The following GPC6 variants were observed in gnomAD, a reference collection of about 807,000 sequenced individuals.
GPC6 encodes glypican 6.
GPC6 carries 14 observed loss-of-function variants against 55.2 expected under a neutral mutation model. The ratio of observed to expected loss-of-function variants is 0.25; its 90% confidence interval spans 0.17 to 0.40. The LOEUF (loss-of-function observed/expected upper bound fraction) is 0.40. Ranked by LOEUF, GPC6 falls within the 10% of genes least tolerant of loss-of-function variation. GPC6 has a pLI of 1.00. For missense variants in GPC6, 641 were observed against 708.5 expected (o/e 0.90, Z 1.08); for synonymous variants, 278 against 259.6 (o/e 1.07, Z -0.68).
intron 2 of GPC6, among the ~76,000 whole-genome samples, chr13:93,575,831 C>T (rs1876637533): frequency 6.6e-6 from 1 of 152,064 alleles, no homozygotes; most frequent in Non-Finnish European, 1.5e-5. Context: ...GTGGTGCATG[C>T]TTCTTAAGAT....
At chr13:93,642,769 C>T (rs912030179) in intron 2 of GPC6, among the ~76,000 whole-genome samples, 2 of 151,932 alleles carry the variant, frequency 1.3e-5, no homozygotes, top group African/African-American at 2.4e-5. Flanking sequence ...GGAAGAAAAA[C>T]AATACAAAAA....
chr13:93,538,037 G>A (rs1413376630), intron 1 of GPC6, among the ~76,000 whole-genome samples: 1 of 152,118 alleles, frequency 6.6e-6, no homozygotes, highest in Non-Finnish European at 1.5e-5. Context: ...CTTGCAGGAT[G>A]AAAGGTTGTC....
At chr13:93,274,587 G>A (rs9516203) in intron 1 of GPC6, among the ~76,000 whole-genome samples, 37,119 of 151,984 alleles carry the variant, frequency 0.24, 4,648 homozygotes, top group African/African-American at 0.3. Flanking sequence ...TCTTAAATCA[G>A]ATGTCATATA....
At chr13:93,931,054 G>A (rs7982976) in intron 3 of GPC6, among the ~76,000 whole-genome samples, 4,228 of 152,144 alleles carry the variant, frequency 0.028, 213 homozygotes, top group African/African-American at 0.096. Context: ...AGCACCAAAG[G>A]TATGGTGCTA....
At chr13:94,324,589 C>G (rs1877012261) in intron 6 of GPC6, among the ~76,000 whole-genome samples, 1 of 152,058 alleles carries the variant, frequency 6.6e-6, no homozygotes, top group South Asian at 2.1e-4. Flanking sequence ...TGACACCTCC[C>G]CTTTTAAAAG....
intron 1 of GPC6, among the ~76,000 whole-genome samples, chr13:93,368,894 C>G (rs569642754): frequency 6.6e-6 from 1 of 152,150 alleles, no homozygotes; most frequent in East Asian, 1.9e-4. Flanking sequence ...TTCCCAGTTC[C>G]CCAGTGGGTT....
chr13:93,260,798 T>C (rs1594057920), intron 1 of GPC6, among the ~76,000 whole-genome samples: 1 of 152,240 alleles, frequency 6.6e-6, no homozygotes, highest in East Asian at 1.9e-4. Context: ...ACCAGGAATG[T>C]GCTTAGCAAA....
chr13:93,434,022 A>G (rs749541641), intron 1 of GPC6, among the ~76,000 whole-genome samples: 1 of 152,148 alleles, frequency 6.6e-6, no homozygotes, highest in Non-Finnish European at 1.5e-5. Flanking sequence ...ATAGGATAAT[A>G]TGTACTATAT....
At chr13:93,944,847 C>T (rs1040181884) in intron 3 of GPC6, among the ~76,000 whole-genome samples, 1 of 151,938 alleles carries the variant, frequency 6.6e-6, no homozygotes, top group African/African-American at 2.4e-5. Flanking sequence ...TGTTGGCTTC[C>T]ACCAGTCTCC....
intron 4 of GPC6, among the ~76,000 whole-genome samples, chr13:94,189,212 A>G (rs1490528642): frequency 6.6e-6 from 1 of 152,010 alleles, no homozygotes; most frequent in Non-Finnish European, 1.5e-5. Flanking sequence ...GTCTGTGTGT[A>G]GGTGGTTTAA....
intron 3 of GPC6, among the ~76,000 whole-genome samples, chr13:93,988,314 T>A (rs984965614): frequency 4.6e-5 from 7 of 152,162 alleles, no homozygotes; most frequent in Admixed American, 2.6e-4. Flanking sequence ...CTCCTCCTTC[T>A]TCATCTGTTG....
chr13:93,662,751 C>G lies in GPC6; in HGVS notation c.319+117330C>G, dbSNP rs141333675. Among the ~76,000 whole-genome samples, 751 of 152,188 alleles carry G rather than the reference C, an allele frequency of 4.9e-3. 6 individuals carry two copies. The highest frequency in any genetic ancestry group is 0.017 in the African/African-American group (693 of 41,538). On this transcript the variant is annotated intron_variant, in intron 2 of 8. Coordinates refer to ENST00000377047, the MANE Select transcript of GPC6 (RefSeq NM_005708.5). ...GCATGTGTCTCCAAGCAGCAATTCC[C>G]TATTTGCTTATGTCTTGTAATATCT...
chr13:93,474,182 G>T (rs1055247796), intron 1 of GPC6, among the ~76,000 whole-genome samples: 1 of 152,174 alleles, frequency 6.6e-6, no homozygotes, highest in African/African-American at 2.4e-5. Context: ...GCCTTCTGTA[G>T]GTTGTAGTCC....
In GPC6 at chr13:94,258,141, G is replaced by T. The variant is rs554686188; in HGVS notation, c.878-28208G>T. Among the ~76,000 whole-genome samples, 6 of 152,136 alleles carry T rather than the reference G, an allele frequency of 3.9e-5. No individual in the cohort carries two copies. The South Asian group carries it at 1.2e-3, about 32-fold the overall frequency. ...AGCCATAGCTGTTTCTAGAATTTTT[G>T]TTGACAGTTAAGTGTCATAGTTAGC... On this transcript the variant is annotated intron_variant, in intron 4 of 8. Transcript: ENST00000377047.
chr13:93,455,884 T>G (rs1878434616), intron 1 of GPC6, among the ~76,000 whole-genome samples: 1 of 152,232 alleles, frequency 6.6e-6, no homozygotes, highest in African/African-American at 2.4e-5. Context: ...AAGTTCTGCG[T>G]CATGAACTGC....
chr13:93,966,651 A>ATTTTTTTT (rs59591951), intron 3 of GPC6, among the ~76,000 whole-genome samples: 2 of 118,828 alleles, frequency 1.7e-5, no homozygotes, highest in Non-Finnish European at 3.3e-5. Context: ...TGTTTCCTTC[A>ATTTTTTTT]TTTTTTTTTT....
chr13:94,125,128 C>G (rs988522827), intron 4 of GPC6, among the ~76,000 whole-genome samples: 16 of 152,100 alleles, frequency 1.1e-4, no homozygotes, highest in Non-Finnish European at 2.2e-4. Context: ...AAGTAAATTA[C>G]TTTTACAAGA....
intron 1 of GPC6, among the ~76,000 whole-genome samples, chr13:93,235,919 C>T (rs1300681036): frequency 6.6e-6 from 1 of 152,148 alleles, no homozygotes; most frequent in East Asian, 1.9e-4. Context: ...TCTTTTGGCT[C>T]TCAGATCCTT....
At position 93,414,849 on chromosome 13, in the gene GPC6, C is replaced by T. The variant is rs543185609; in HGVS notation, c.161-130414C>T. 9.2e-5 allele frequency among the ~76,000 whole-genome samples: 14 copies of T among 152,232 alleles called. No homozygotes were observed. The East Asian group carries it at 1.9e-3, about 21-fold the overall frequency. Reference sequence around the variant, plus strand: ...TTATGATTTGCTTAGGTGAACTAAACTTAGTCCCACTTTTTGGCCTGTTTT... The same window carrying T: ...TTATGATTTGCTTAGGTGAACTAAATTTAGTCCCACTTTTTGGCCTGTTTT... On this transcript the variant is annotated intron_variant, in intron 1 of 8. Transcript: ENST00000377047.
Sources: allele counts gnomAD v4.1 joint callset (sites outside exome capture counted in the v4.1 genomes callset), GRCh38; gene constraint gnomAD v4.1.1; transcripts MANE v1.5; gene names NCBI Gene and HGNC (gene_info 2026-07-23, HGNC 2026-07-21).